Variants in LRRC4C observed in about 807,000 individuals in gnomAD.
The protein encoded by LRRC4C is leucine rich repeat containing 4C.
A neutral mutation model predicts 33.6 loss-of-function variants in LRRC4C; 5 were observed. That is an observed-to-expected ratio of 0.15 (90% CI 0.08 to 0.31). LRRC4C has a LOEUF of 0.31. Among genes scored for constraint, LRRC4C ranks in the 10% least tolerant of loss-of-function variants. LRRC4C has a pLI of 1.00. For missense variants in LRRC4C, 560 were observed against 796.7 expected (o/e 0.70, Z 3.58); for synonymous variants, 329 against 302.0 (o/e 1.09, Z -0.93).
At chr11:40,737,454 G>T (rs1333693648) in intron 2 of LRRC4C, among the ~76,000 whole-genome samples, 1 of 152,210 alleles carries the variant, frequency 6.6e-6, no homozygotes, top group African/African-American at 2.4e-5. Context: ...TGACATGATT[G>T]TATATTTAGA....
At chr11:40,384,454 T>C (rs1590550076) in intron 3 of LRRC4C, among the ~76,000 whole-genome samples, 1 of 152,160 alleles carries the variant, frequency 6.6e-6, no homozygotes, top group African/African-American at 2.4e-5. Context: ...CTCTATTATA[T>C]AGGTGAATAA....
chr11:40,373,775 T>G lies in LRRC4C; in HGVS notation c.-269-54054A>C, dbSNP rs566879746. ...GCTTGGCTCCTACTCCTGTTGCTCT[T>G]ACTTCCTCTCTCACAATGTGACACA... On this transcript the variant is annotated intron_variant, in intron 3 of 6. Coordinates refer to ENST00000528697, the MANE Select transcript of LRRC4C (RefSeq NM_001258419.2). 1.4e-4 allele frequency among the ~76,000 whole-genome samples: 22 copies of G among 152,266 alleles called. No individual in the cohort carries two copies. The East Asian group carries it at 4.1e-3, about 28-fold the overall frequency.
At chr11:40,658,098 G>A (rs757442871) in intron 2 of LRRC4C, among the ~76,000 whole-genome samples, 1 of 152,164 alleles carries the variant, frequency 6.6e-6, no homozygotes, top group Non-Finnish European at 1.5e-5. Context: ...TTAAAATAAA[G>A]AATGTTATCT....
chr11:41,404,131 A>G (rs1954128494), intron 1 of LRRC4C, among the ~76,000 whole-genome samples: 1 of 152,054 alleles, frequency 6.6e-6, no homozygotes, highest in South Asian at 2.1e-4. Flanking sequence ...TGACAATGAG[A>G]AAGTTAAAAG....
chr11:40,411,389 A>G (rs954083533), intron 3 of LRRC4C, among the ~76,000 whole-genome samples: 2 of 152,126 alleles, frequency 1.3e-5, no homozygotes, highest in Non-Finnish European at 2.9e-5. Flanking sequence ...TTGAAAATAC[A>G]TCAAAAGTGA....
At chr11:40,139,390 T>A (rs1857210259) in intron 6 of LRRC4C, among the ~76,000 whole-genome samples, 1 of 152,228 alleles carries the variant, frequency 6.6e-6, no homozygotes, top group Non-Finnish European at 1.5e-5. Context: ...AATACTATCA[T>A]CATACTGATA....
chr11:40,519,287 G>A (rs1955706854), intron 3 of LRRC4C, among the ~76,000 whole-genome samples: 1 of 152,068 alleles, frequency 6.6e-6, no homozygotes, highest in African/African-American at 2.4e-5. Context: ...TTATGAAGTA[G>A]AAATCCTGGC....
At chr11:40,644,655 T>C (rs1942328725) in intron 3 of LRRC4C, among the ~76,000 whole-genome samples, 1 of 152,210 alleles carries the variant, frequency 6.6e-6, no homozygotes, top group African/African-American at 2.4e-5. Context: ...AAACAGCCAA[T>C]GCCCATAAGC....
At chr11:40,764,928 G>C (rs1159080167) in intron 2 of LRRC4C, among the ~76,000 whole-genome samples, 1 of 152,070 alleles carries the variant, frequency 6.6e-6, no homozygotes, top group African/African-American at 2.4e-5. Context: ...ATAGCCTTAG[G>C]TCACAACACT....
intron 3 of LRRC4C, among the ~76,000 whole-genome samples, chr11:40,433,164 T>C (rs1201633172): frequency 1.3e-5 from 2 of 152,176 alleles, no homozygotes; most frequent in African/African-American, 4.8e-5. Flanking sequence ...ACTATGCAAA[T>C]AGCATTTAGG....
intron 2 of LRRC4C, among the ~76,000 whole-genome samples, chr11:40,777,511 T>G (rs1396127361): frequency 4.8e-5 from 7 of 144,506 alleles, no homozygotes; most frequent in African/African-American, 1.6e-4. Context: ...TTTTTTTTTT[T>G]TTTTTTGTTT....
chr11:40,203,628 C>A (rs1478448424), intron 5 of LRRC4C, among the ~76,000 whole-genome samples: 1 of 152,138 alleles, frequency 6.6e-6, no homozygotes, highest in East Asian at 1.9e-4. Flanking sequence ...ACTTTTAAAT[C>A]CCTGAATTCT....
At chr11:40,891,467 C>A (rs1290372695) in intron 2 of LRRC4C, among the ~76,000 whole-genome samples, 1 of 152,102 alleles carries the variant, frequency 6.6e-6, no homozygotes, top group Non-Finnish European at 1.5e-5. Flanking sequence ...AAATAGACAA[C>A]CCACAGAATG....
intron 1 of LRRC4C, among the ~76,000 whole-genome samples, chr11:41,441,007 C>CA (rs1955599740): frequency 6.6e-6 from 1 of 152,112 alleles, no homozygotes; most frequent in South Asian, 2.1e-4. Context: ...ATAAGTGAGT[C>CA]ATGAAGAGCC....
intron 1 of LRRC4C, among the ~76,000 whole-genome samples, chr11:41,385,262 T>C (rs993571448): frequency 6.6e-6 from 1 of 151,480 alleles, no homozygotes; most frequent in African/African-American, 2.4e-5. Flanking sequence ...CTTGCTTTAA[T>C]GAATTAATAT....
At chr11:40,466,098 T>A (rs1487450897) in intron 3 of LRRC4C, among the ~76,000 whole-genome samples, 1 of 152,046 alleles carries the variant, frequency 6.6e-6, no homozygotes, top group Admixed American at 6.6e-5. Context: ...AAGAATGAAA[T>A]CATGTCTTTT....
intron 2 of LRRC4C, among the ~76,000 whole-genome samples, chr11:40,821,666 A>C (rs1951935365): frequency 6.6e-6 from 1 of 151,588 alleles, no homozygotes; most frequent in Non-Finnish European, 1.5e-5. Context: ...TAAATAAATA[A>C]ATAATAAAAA....
intron 3 of LRRC4C, among the ~76,000 whole-genome samples, chr11:40,459,326 C>A (rs982799980): frequency 6.6e-6 from 1 of 152,178 alleles, no homozygotes; most frequent in Non-Finnish European, 1.5e-5. Context: ...CATTGGCACT[C>A]ATTTGCAGCA....
At chr11:41,134,964 G>A (rs1392366311) in intron 1 of LRRC4C, among the ~76,000 whole-genome samples, 1 of 152,032 alleles carries the variant, frequency 6.6e-6, no homozygotes, top group Non-Finnish European at 1.5e-5. Context: ...GAAAGCTGAG[G>A]ACATAAGGAT....
Sources: allele counts gnomAD v4.1 joint callset (sites outside exome capture counted in the v4.1 genomes callset), GRCh38; gene constraint gnomAD v4.1.1; transcripts MANE v1.5; gene names NCBI Gene and HGNC (gene_info 2026-07-23, HGNC 2026-07-21).